The following SUSD4 variants were observed in gnomAD, a reference collection of about 807,000 sequenced individuals.
SUSD4 encodes sushi domain containing 4, also known as sushi domain-containing protein 4.
In SUSD4, 41 loss-of-function variants were observed where a neutral mutation model predicts 50.5. That is an observed-to-expected ratio of 0.81 (90% CI 0.63 to 1.05). SUSD4 has a LOEUF of 1.05. SUSD4 is among the 50% of genes least tolerant of loss of function. The probability of loss-of-function intolerance (pLI) is 0.00; values close to 1 mark genes in which losing one functional copy is unlikely to be tolerated. For missense variants in SUSD4, 580 were observed against 634.7 expected (o/e 0.91, Z 0.93); for synonymous variants, 257 against 257.3 (o/e 1.00, Z 0.01).
At chr1:223,238,033 G>A (rs530061867) in intron 5 of SUSD4, among the ~76,000 whole-genome samples, 1 of 152,022 alleles carries the variant, frequency 6.6e-6, no homozygotes, top group Admixed American at 6.5e-5. Context: ...AATAGATATA[G>A]GCCTATTCAG....
chr1:223,233,007 G>A (rs1294767658), intron 5 of SUSD4, among the ~76,000 whole-genome samples: 2 of 152,160 alleles, frequency 1.3e-5, no homozygotes, highest in Admixed American at 1.3e-4. Flanking sequence ...AACTTGCTGG[G>A]GTTCCCATGC....
At chr1:223,256,161 C>G (rs899264173) in intron 5 of SUSD4, among the ~76,000 whole-genome samples, 1 of 152,174 alleles carries the variant, frequency 6.6e-6, no homozygotes, top group Non-Finnish European at 1.5e-5. Context: ...TCCTCCAAAG[C>G]CTTTTACATG....
In SUSD4 at chr1:223,227,804, T is replaced by C; in HGVS notation, c.917-66A>G. The C allele has an allele frequency of 1.3e-6, 2 of 1,521,270 alleles. No homozygotes were observed. Among genetic ancestry groups the C allele is most frequent in the Admixed American group, 3.9e-5 (2 of 50,636 alleles). 94.2% of individuals were successfully genotyped at this position (1,521,270 alleles called of 1,614,324 possible). On this transcript the variant is annotated intron_variant, in intron 6 of 8. Transcript: ENST00000366878. The surrounding 1 kb of genome is among the most constrained non-coding windows in gnomAD (Gnocchi z 4.5). ...CCATGAGAGGTGCCGAGGTTCCCCGTGGGCTCATTTGCTGGATTCATCTGG... is the reference window on the plus strand; with the variant it reads ...CCATGAGAGGTGCCGAGGTTCCCCGCGGGCTCATTTGCTGGATTCATCTGG...
intron 2 of SUSD4, among the ~76,000 whole-genome samples, chr1:223,339,545 C>G (rs530586863): frequency 6.6e-6 from 1 of 152,178 alleles, no homozygotes; most frequent in Non-Finnish European, 1.5e-5. Flanking sequence ...TCCCTGCCCC[C>G]GCCAGGTCCC....
chr1:223,363,943 CAA>C (rs772073886), intron 1 of SUSD4, 112 bp downstream of exon 1: 31 of 136,026 alleles, frequency 2.3e-4, no homozygotes, highest in Admixed American at 4.4e-4. Flanking sequence ...TCTGCGCTGT[CAA>C]AAAAAAAAAA....
intron 5 of SUSD4, among the ~76,000 whole-genome samples, chr1:223,252,866 C>T (rs751532718): frequency 6.6e-6 from 1 of 151,802 alleles, no homozygotes; most frequent in Non-Finnish European, 1.5e-5. Context: ...CTTTGGGAGG[C>T]CAAGGCCTGA....
chr1:223,233,782 C>T (rs1660044023), intron 5 of SUSD4, among the ~76,000 whole-genome samples: 1 of 152,224 alleles, frequency 6.6e-6, no homozygotes, highest in Non-Finnish European at 1.5e-5. Context: ...GGGAAACACA[C>T]CCAGGGAAAA....
At chr1:223,296,600 G>T (rs750746097) in intron 2 of SUSD4, among the ~76,000 whole-genome samples, 1 of 152,126 alleles carries the variant, frequency 6.6e-6, no homozygotes, top group Admixed American at 6.5e-5. Flanking sequence ...ACAAATAAGG[G>T]ACACCCAGAA....
chr1:223,263,479 G>T (rs2103071237), intron 5 of SUSD4: 1 of 876,604 alleles, frequency 1.1e-6, no homozygotes, highest in Non-Finnish European at 1.4e-6. Context: ...TATTTTATCT[G>T]GCATCTCTAG....
intron 3 of SUSD4, among the ~76,000 whole-genome samples, chr1:223,277,033 GA>G (rs1256987993): frequency 6.6e-6 from 1 of 152,142 alleles, no homozygotes; most frequent in Non-Finnish European, 1.5e-5. Context: ...CCCCGCTTTT[GA>G]AAAATGCCTG....
intron 5 of SUSD4, among the ~76,000 whole-genome samples, chr1:223,252,236 A>AAAAAAAATATATAT (rs1343732568): frequency 1.1e-5 from 1 of 89,726 alleles, no homozygotes; most frequent in African/African-American, 4.1e-5. Context: ...AAAAAAAAAA[A>AAAAAAAATATATAT]ATATATATAT....
intron 2 of SUSD4, among the ~76,000 whole-genome samples, chr1:223,355,047 C>T (rs531555728): frequency 5.9e-5 from 9 of 151,728 alleles, no homozygotes; most frequent in Admixed American, 2.6e-4. Flanking sequence ...ACTTCTGCTG[C>T]GACTACAGAC....
At chr1:223,226,396 G>A (rs1659517058) in intron 7 of SUSD4, among the ~76,000 whole-genome samples, 1 of 152,220 alleles carries the variant, frequency 6.6e-6, no homozygotes, top group Non-Finnish European at 1.5e-5. Context: ...CACATTTGTG[G>A]CTGGGGAAAG....
At chr1:223,292,220 A>C (rs1401653229) in intron 3 of SUSD4, among the ~76,000 whole-genome samples, 5 of 152,210 alleles carry the variant, frequency 3.3e-5, no homozygotes, top group African/African-American at 4.8e-5. Context: ...TTAGATTGTA[A>C]TTGAGACAGA....
At position 223,227,160 on chromosome 1, in the gene SUSD4, C is replaced by T. The variant is rs944722875; in HGVS notation, c.1061+434G>A. 2.0e-5 allele frequency among the ~76,000 whole-genome samples: 3 copies of T among 152,194 alleles called. No individual in the cohort carries two copies. Among genetic ancestry groups the T allele is most frequent in the South Asian group, 2.1e-4 (1 of 4,820 alleles). ...TTCTCCTTCCTGAGGCTTCTCAATG[C>T]ATAACACTTTTGTTCACACACCTCT... On this transcript the variant is annotated intron_variant, in intron 7 of 8. Transcript: ENST00000366878. This position sits in a 1 kb window ranked among gnomAD's most constrained non-coding sequence, Gnocchi z 4.5.
chr1:223,237,394 G>A (rs1159740177), intron 5 of SUSD4, among the ~76,000 whole-genome samples: 1 of 151,976 alleles, frequency 6.6e-6, no homozygotes, highest in Non-Finnish European at 1.5e-5. Context: ...TGCTGAAACG[G>A]AGTGATGAGA....
At chr1:223,309,941 T>A (rs942895135) in intron 2 of SUSD4, among the ~76,000 whole-genome samples, 1 of 152,294 alleles carries the variant, frequency 6.6e-6, no homozygotes, top group Middle Eastern at 3.4e-3. Flanking sequence ...AGTTCTAACA[T>A]CTGGTCTACA....
intron 2 of SUSD4, among the ~76,000 whole-genome samples, chr1:223,327,756 A>T (rs1572069187): frequency 6.6e-6 from 1 of 152,162 alleles, no homozygotes; most frequent in Non-Finnish European, 1.5e-5. Flanking sequence ...GCATCTCCTC[A>T]CCTGGCACCT....
chr1:223,301,431 A>G (rs1665187307), intron 2 of SUSD4, among the ~76,000 whole-genome samples: 1 of 152,222 alleles, frequency 6.6e-6, no homozygotes, highest in African/African-American at 2.4e-5. Flanking sequence ...ACACAACCTA[A>G]GCCAGATATT....
Sources: allele counts gnomAD v4.1 joint callset (sites outside exome capture counted in the v4.1 genomes callset), GRCh38; gene constraint gnomAD v4.1.1; non-coding constraint Gnocchi (gnomAD v3.1); transcripts MANE v1.5; gene names NCBI Gene and HGNC (gene_info 2026-07-23, HGNC 2026-07-21).